The following MACROD2 variants were observed in gnomAD, a reference collection of about 807,000 sequenced individuals.
MACROD2 encodes ADP-ribose glycohydrolase MACROD2.
MACROD2 carries 36 observed loss-of-function variants against 70.4 expected under a neutral mutation model. That is an observed-to-expected ratio of 0.51 (90% confidence interval 0.39 to 0.68). MACROD2 has a LOEUF of 0.68. Ranked by LOEUF, MACROD2 falls within the 30% of genes least tolerant of loss-of-function variation. The pLI is 0.00. For missense variants in MACROD2, 496 were observed against 538.4 expected (o/e 0.92, Z 0.78); for synonymous variants, 172 against 178.8 (o/e 0.96, Z 0.30).
intron 15 of MACROD2, among the ~76,000 whole-genome samples, chr20:16,012,190 G>A (rs12625102): frequency 0.053 from 8,022 of 152,188 alleles, 605 homozygotes; most frequent in African/African-American, 0.16. Flanking sequence ...TGGGCACAAA[G>A]CCCCTTCTCA....
chr20:14,294,935 C>G (rs1222148976), intron 3 of MACROD2, among the ~76,000 whole-genome samples: 1 of 151,522 alleles, frequency 6.6e-6, no homozygotes, highest in Non-Finnish European at 1.5e-5. Flanking sequence ...GTTTCTGACA[C>G]AGAAGTGTCA....
At chr20:15,525,180 G>A (rs4814393) in intron 8 of MACROD2, among the ~76,000 whole-genome samples, 16,558 of 152,196 alleles carry the variant, frequency 0.11, 979 homozygotes, top group Admixed American at 0.17. Flanking sequence ...AAGAAGAAAG[G>A]AACTCTTGTT....
At chr20:14,809,440 T>G (rs1444468773) in intron 5 of MACROD2, among the ~76,000 whole-genome samples, 1 of 152,052 alleles carries the variant, frequency 6.6e-6, no homozygotes, top group Admixed American at 6.6e-5. Flanking sequence ...AAACAGTGTT[T>G]AGAGGGAAAT....
In MACROD2 at chr20:14,210,813, A is replaced by G. The variant is rs191024844; in HGVS notation, c.271+125085A>G. 8.5e-4 allele frequency among the ~76,000 whole-genome samples: 130 copies of G among 152,238 alleles called. 1 individual carries two copies. Among genetic ancestry groups the G allele is most frequent in the African/African-American group, 2.9e-3 (121 of 41,550 alleles). On this transcript the variant is annotated intron_variant, in intron 3 of 17. Coordinates refer to ENST00000684519, the MANE Select transcript of MACROD2 (RefSeq NM_001351661.2). ...ACTCAGTCAAAAGAAAAGAAGCTCTAAGCTTTGGTGCTGTGTATCACCTAT... is the reference window on the plus strand; with the variant it reads ...ACTCAGTCAAAAGAAAAGAAGCTCTGAGCTTTGGTGCTGTGTATCACCTAT...
intron 3 of MACROD2, among the ~76,000 whole-genome samples, chr20:14,231,550 T>C (rs1437319692): frequency 6.6e-6 from 1 of 152,198 alleles, no homozygotes; most frequent in Non-Finnish European, 1.5e-5. Flanking sequence ...TGTTGGACAT[T>C]TGGGTTGGTT....
chr20:14,107,490 G>GT (rs1257049826), intron 3 of MACROD2, among the ~76,000 whole-genome samples: 4 of 151,998 alleles, frequency 2.6e-5, no homozygotes, highest in Non-Finnish European at 5.9e-5. Context: ...GTATTCAAAG[G>GT]AACAATATCA....
At chr20:14,026,993 C>T (rs762271958) in intron 2 of MACROD2, among the ~76,000 whole-genome samples, 7 of 152,202 alleles carry the variant, frequency 4.6e-5, no homozygotes, top group Non-Finnish European at 8.8e-5. Context: ...GACCCTTGTG[C>T]CTCCTGACTA....
chr20:14,585,094 G>C (rs1801815261), intron 4 of MACROD2, among the ~76,000 whole-genome samples: 1 of 152,162 alleles, frequency 6.6e-6, no homozygotes, highest in African/African-American at 2.4e-5. Flanking sequence ...AGTTTCTTTT[G>C]TTGGCCTTGC....
intron 8 of MACROD2, among the ~76,000 whole-genome samples, chr20:15,720,575 A>G (rs1038462191): frequency 6.6e-6 from 1 of 152,144 alleles, no homozygotes; most frequent in African/African-American, 2.4e-5. Context: ...TAGAGATGCA[A>G]TTTGTGTTTT....
rs549349145 is a variant in MACROD2 at position 14,795,451 on chromosome 20, G to A, written c.418+110492G>A. 1.1e-4 allele frequency among the ~76,000 whole-genome samples: 17 copies of A among 152,112 alleles called. 1 individual carries two copies. Among genetic ancestry groups the A allele is most frequent in the Admixed American group, 3.3e-4 (5 of 15,266 alleles). ...AAATGGGAGTGGGGAAAGGATTTAC[G>A]AATGCTTCCTATGGATTAGAATAAG... On this transcript the variant is annotated intron_variant, in intron 5 of 17. Coordinates refer to ENST00000684519, the MANE Select transcript of MACROD2 (RefSeq NM_001351661.2).
chr20:15,832,356 C>A lies in MACROD2; in HGVS notation c.646-30389C>A, dbSNP rs143625062. 1.1e-4 allele frequency among the ~76,000 whole-genome samples: 17 copies of A among 152,158 alleles called. No homozygotes were observed. In the East Asian group the frequency reaches 3.3e-3, roughly 29 times the overall value. On this transcript the variant is annotated intron_variant, in intron 8 of 17. Coordinates refer to ENST00000684519, the MANE Select transcript of MACROD2 (RefSeq NM_001351661.2). ...TCCCATCAGTGCTAAAGAAGACAGC[C>A]AAGTGGGAGACAGTGAGGCAACCTA...
At chr20:15,255,814 T>C (rs555567993) in intron 6 of MACROD2, among the ~76,000 whole-genome samples, 2 of 152,208 alleles carry the variant, frequency 1.3e-5, no homozygotes, top group African/African-American at 4.8e-5. Flanking sequence ...AGAAAGCATA[T>C]TGATTTGGTC....
intron 4 of MACROD2, among the ~76,000 whole-genome samples, chr20:14,513,796 A>G (rs1050301304): frequency 4.6e-5 from 7 of 152,220 alleles, no homozygotes; most frequent in African/African-American, 1.4e-4. Context: ...GTGCATCTCA[A>G]ATAATCTCTA....
Position 15,188,289 on chromosome 20 carries a change from G to A in MACROD2, c.419-41651G>A, listed in dbSNP as rs114445001. Among the ~76,000 whole-genome samples, 396 of 152,262 alleles carry A rather than the reference G, an allele frequency of 2.6e-3. 2 individuals carry two copies. The highest frequency in any genetic ancestry group is 8.7e-3 in the African/African-American group (363 of 41,546). ...CCAGTTCAATGCTGAAAAGGAGCCA[G>A]GGGAGAAAGAAGTAGCAGATCAAAA... On this transcript the variant is annotated intron_variant, in intron 5 of 17. Coordinates refer to ENST00000684519, the MANE Select transcript of MACROD2 (RefSeq NM_001351661.2).
chr20:14,779,599 C>A (rs941225488), intron 5 of MACROD2, among the ~76,000 whole-genome samples: 4 of 152,068 alleles, frequency 2.6e-5, no homozygotes, highest in Admixed American at 2.6e-4. Context: ...GTACACTTAA[C>A]CCAGTTTTCT....
intron 3 of MACROD2, among the ~76,000 whole-genome samples, chr20:14,253,775 C>A (rs1054711296): frequency 6.6e-6 from 1 of 152,042 alleles, no homozygotes; most frequent in Admixed American, 6.6e-5. Context: ...CTTTGAACTT[C>A]ATAGGCCGTA....
Position 15,765,626 on chromosome 20 carries a change from ATG to A in MACROD2, c.646-97115_646-97114del, listed in dbSNP as rs532413399. ...CTTCATATACTGTTTGCATATATTTATGTGTTTTTTGTGTTAAAGAGGGAAAA... is the reference window on the plus strand; with the variant it reads ...CTTCATATACTGTTTGCATATATTTATGTTTTTTGTGTTAAAGAGGGAAAA... On this transcript the variant is annotated intron_variant, in intron 8 of 17. Transcript: ENST00000684519. Among the ~76,000 whole-genome samples the A allele has an allele frequency of 2.9e-3, 444 of 152,348 alleles. 2 individuals are homozygous for A. The highest frequency in any genetic ancestry group is 0.01 in the African/African-American group (425 of 41,580).
intron 5 of MACROD2, among the ~76,000 whole-genome samples, chr20:14,917,588 G>T (rs187578499): frequency 6.6e-6 from 1 of 152,110 alleles, no homozygotes; most frequent in East Asian, 1.9e-4. Context: ...CATAGAATGG[G>T]CAGAGGAAGA....
At chr20:14,911,409 G>T (rs1217927624) in intron 5 of MACROD2, among the ~76,000 whole-genome samples, 1 of 151,958 alleles carries the variant, frequency 6.6e-6, no homozygotes, top group Non-Finnish European at 1.5e-5. Flanking sequence ...ATAGGGTCTT[G>T]CTCTGTTGCC....
Sources: allele counts gnomAD v4.1 joint callset (sites outside exome capture counted in the v4.1 genomes callset), GRCh38; gene constraint gnomAD v4.1.1; transcripts MANE v1.5; gene names NCBI Gene and HGNC (gene_info 2026-07-23, HGNC 2026-07-21).